IRF2BP2: variants seen among roughly 807,000 people sequenced by gnomAD.
IRF2BP2 encodes the protein interferon regulatory factor 2 binding protein 2.
Under a neutral mutation model 32.7 loss-of-function variants are expected in IRF2BP2, and 13 were observed. That is an observed-to-expected ratio of 0.40 (90% CI 0.26 to 0.63). The LOEUF is 0.63. Among genes scored for constraint, IRF2BP2 ranks in the 30% least tolerant of loss-of-function variants. The pLI, the probability that IRF2BP2 is intolerant of heterozygous loss-of-function variation, is 0.42. For synonymous variants in IRF2BP2, 555 were observed against 384.6 expected (o/e 1.44, Z -5.18); for missense variants, 980 against 830.6 (o/e 1.18, Z -2.21).
Position 234,605,141 on chromosome 1 carries a change from T to TC in IRF2BP2, c.*1995dup, listed in dbSNP as rs1391151097. On this transcript the variant is annotated 3_prime_UTR_variant, in exon 2 of 2. Transcript: ENST00000366609. Reference sequence around the variant, plus strand: ...ACCACAAATTAGGTCAAACGACTGATCAAGTTGTAACATCTGTGAGGTCAA... The same window carrying TC: ...ACCACAAATTAGGTCAAACGACTGATCCAAGTTGTAACATCTGTGAGGTCAA... 2.4e-4 allele frequency: 35 copies of TC among 143,386 alleles called. No homozygotes were observed. Among genetic ancestry groups the TC allele is most frequent in the Admixed American group, 2.3e-3 (33 of 14,266 alleles). 8.9% of individuals were successfully genotyped at this position (143,386 alleles called of 1,614,324 possible). A position where few individuals can be genotyped will look rare whatever the true frequency, so the allele number is the denominator to read the frequency against.
chr1:234,606,877 G>A lies in IRF2BP2; in HGVS notation c.*260C>T, dbSNP rs1672174801. ...CGCAAGTCACAGCCTACATAGAACG[G>A]TAACTGTCACCAGGATAATAAAGCA... On this transcript the variant is annotated 3_prime_UTR_variant, in exon 2 of 2. Transcript: ENST00000366609. 6.5e-6 allele frequency: 2 copies of A among 310,004 alleles called. No individual in the cohort carries two copies. Among genetic ancestry groups the A allele is most frequent in the South Asian group, 6.3e-5 (1 of 15,754 alleles). The allele number at this position is 310,004 out of a possible 1,614,324, so 19.2% of individuals were successfully genotyped here. A position where few individuals can be genotyped will look rare whatever the true frequency, so the allele number is the denominator to read the frequency against.
rs1362135175 is a variant in IRF2BP2, at chr1:234,608,779, G to T, written c.716C>A (p.Ala239Glu). 1.4e-5 allele frequency: 20 copies of T among 1,446,372 alleles called. No individual in the cohort carries two copies. The highest frequency in any genetic ancestry group is 1.7e-5 in the Non-Finnish European group (19 of 1,108,240). 89.6% of individuals were successfully genotyped at this position (1,446,372 alleles called of 1,614,324 possible). Reference protein sequence around the residue: ...PTDLGAHKRPASVSSSAAVEH... With the variant: ...PTDLGAHKRPESVSSSAAVEH... Reference sequence around the variant, plus strand: ...CACGGCAGCGCTGCTCGACACGGATGCCGGCCGCTTGTGGGCGCCCAGATC... The same window carrying T: ...CACGGCAGCGCTGCTCGACACGGATTCCGGCCGCTTGTGGGCGCCCAGATC... The change falls in exon 1 of 2, where the codon GCA becomes GAA. Residue 239 changes from alanine to glutamate, a missense_variant. Physicochemically the swap from Ala to Glu is moderately radical, Grantham distance 107 (BLOSUM62 -1). Coordinates refer to ENST00000366609, the MANE Select transcript of IRF2BP2 (RefSeq NM_182972.3).
In IRF2BP2 at chr1:234,606,954, A is replaced by C. The variant is rs1269161903; in HGVS notation, c.*183T>G. On this transcript the variant is annotated 3_prime_UTR_variant, in exon 2 of 2. Coordinates refer to ENST00000366609, the MANE Select transcript of IRF2BP2 (RefSeq NM_182972.3). ...AAGAAAAAAATGTCTTTATAAGTACATACCTTTTGTCGTCAAAAAAAATAT... is the reference window on the plus strand; with the variant it reads ...AAGAAAAAAATGTCTTTATAAGTACCTACCTTTTGTCGTCAAAAAAAATAT... 2 of 539,872 alleles carry C rather than the reference A, an allele frequency of 3.7e-6. No homozygotes were observed. Among genetic ancestry groups the C allele is most frequent in the Non-Finnish European group, 3.2e-6 (1 of 308,530 alleles). 33.4% of individuals were successfully genotyped at this position (539,872 alleles called of 1,614,324 possible). A position where few individuals can be genotyped will look rare whatever the true frequency, so the allele number is the denominator to read the frequency against.
chr1:234,609,509 CGACGCCGGAGGA>C lies in IRF2BP2; in HGVS notation c.-27_-16del. 6.9e-7 allele frequency: 1 copy of C among 1,449,468 alleles called. No homozygotes were observed. The highest frequency in any genetic ancestry group is 1.3e-5 in the South Asian group (1 of 75,516). 89.8% of individuals were successfully genotyped at this position (1,449,468 alleles called of 1,614,324 possible). ...GCCGCGGCCATGTCCGAGGAGCCCGCGACGCCGGAGGAGGAGGCGGAGGAGGAGGAGGGGGCG... is the reference window on the plus strand; with the variant it reads ...GCCGCGGCCATGTCCGAGGAGCCCGCGGAGGCGGAGGAGGAGGAGGGGGCG... On this transcript the variant is annotated 5_prime_UTR_variant, in exon 1 of 2. Coordinates refer to ENST00000366609, the MANE Select transcript of IRF2BP2 (RefSeq NM_182972.3).
In IRF2BP2 at chr1:234,609,056, T is replaced by G. The variant is rs1672264477; in HGVS notation, c.439A>C (p.Thr147Pro). 3.1e-6 allele frequency: 4 copies of G among 1,284,518 alleles called. No individual in the cohort carries two copies. Among genetic ancestry groups the G allele is most frequent in the Non-Finnish European group, 2.9e-6 (3 of 1,018,260 alleles). The allele number at this position is 1,284,518 out of a possible 1,614,324, so 79.6% of individuals were successfully genotyped here. A position where few individuals can be genotyped will look rare whatever the true frequency, so the allele number is the denominator to read the frequency against. The change falls in exon 1 of 2, where the codon ACG becomes CCG. Residue 147 changes from threonine (T) to proline (P), a missense_variant. Coordinates refer to ENST00000366609, the MANE Select transcript of IRF2BP2 (RefSeq NM_182972.3). ...CCGTTCACGGGCGGCGGCTGCGGCG[T>G]CGGCGGCTGGGCCAGGCTCGCTGCC... Reference protein sequence around the residue: ...RPAASLAQPPTPQPPPVNGIL... With the variant: ...RPAASLAQPPPPQPPPVNGIL...
Position 234,609,026 on chromosome 1 carries a change from G to C in IRF2BP2, c.469C>G (p.Leu157Val). 2.3e-6 allele frequency: 3 copies of C among 1,321,998 alleles called. No individual in the cohort carries two copies. The highest frequency in any genetic ancestry group is 2.9e-6 in the Non-Finnish European group (3 of 1,038,814). The allele number at this position is 1,321,998 out of a possible 1,614,324, so 81.9% of individuals were successfully genotyped here. A position where few individuals can be genotyped will look rare whatever the true frequency, so the allele number is the denominator to read the frequency against. ...AGCTTGGAGAAGCCGTTGGGCACCA[G>C]GATGCCGTTCACGGGCGGCGGCTGC... ...TPQPPPVNGI[L>V]VPNGFSKLEE... The change falls in exon 1 of 2, where the codon CTG becomes GTG. Residue 157 changes from leucine (L) to valine (V), a missense_variant. By Grantham distance (32) the Leu-to-Val change is conservative. Coordinates refer to ENST00000366609, the MANE Select transcript of IRF2BP2 (RefSeq NM_182972.3).
Position 234,606,115 on chromosome 1 carries a change from T to C in IRF2BP2, c.*1022A>G, listed in dbSNP as rs1672153058. 1 of 152,272 alleles carries C rather than the reference T, an allele frequency of 6.6e-6. No individual in the cohort carries two copies. The highest frequency in any genetic ancestry group is 2.1e-4 in the South Asian group (1 of 4,826). 9.4% of individuals were successfully genotyped at this position (152,272 alleles called of 1,614,324 possible). A position where few individuals can be genotyped will look rare whatever the true frequency, so the allele number is the denominator to read the frequency against. ...CTCACTAGAAACAGGGTATAGGTGA[T>C]AGTATCAACAGCAATAGCACTACAG... is the stretch of plus-strand genomic sequence containing the variant. On this transcript the variant is annotated 3_prime_UTR_variant, in exon 2 of 2. Transcript: ENST00000366609.
rs766814498 is a variant in IRF2BP2, at chr1:234,607,407, C to G, written c.1494G>C (p.Leu498=). 1.8e-5 allele frequency: 29 copies of G among 1,614,006 alleles called. No homozygotes were observed. The highest frequency in any genetic ancestry group is 2.2e-5 in the Non-Finnish European group (26 of 1,179,978). The stretch of plus-strand genomic sequence containing the variant: ...TGCAGCACAGCGGGGCACTGGTTGC[C>G]AGAGAGGAGTCCGGGAGGCTGGCAG... The part of the protein sequence containing the change: ...VHPASLPDSS[L]ATSAPLCCTL... The change falls in exon 2 of 2, where the codon CTG becomes CTC. Residue 498 remains leucine (L), a synonymous_variant. Transcript: ENST00000366609.
In IRF2BP2 at chr1:234,607,302, G is replaced by A. The variant is rs758828277; in HGVS notation, c.1599C>T (p.Cys533=). 10 of 1,614,136 alleles carry A rather than the reference G, an allele frequency of 6.2e-6. No individual in the cohort carries two copies. Among genetic ancestry groups the A allele is most frequent in the African/African-American group, 1.3e-5 (1 of 74,956 alleles). ...CCTGCTGTTTGATGCTTTGTCTGGA[G>A]CAAGGGAAGCAGAACTTGTGCGAAG... ...SVPSHKFCFP[C]SRQSIKQQGA... Residue 533 remains cysteine, a synonymous_variant, in exon 2 of 2, where the codon TGC becomes TGT. Coordinates refer to ENST00000366609, the MANE Select transcript of IRF2BP2 (RefSeq NM_182972.3).
chr1:234,607,560 A>C lies in IRF2BP2; in HGVS notation c.1341T>G (p.Val447=), dbSNP rs1189826009. 4.3e-6 allele frequency: 7 copies of C among 1,614,076 alleles called. No individual in the cohort carries two copies. The highest frequency in any genetic ancestry group is 5.9e-6 in the Non-Finnish European group (7 of 1,180,038). The stretch of plus-strand genomic sequence containing the variant: ...TGCTATTCCTCCTGGTAGTGGAGTG[A>C]ACCTGGTTGGCATCTTTTGAGGCAT... ...GSHASKDANQ[V]HSTTRRNSNS... is the part of the protein sequence containing the mutation. The change falls in exon 2 of 2, where the codon GTT becomes GTG. Residue 447 remains valine (V), a synonymous_variant. Transcript: ENST00000366609.
At position 234,608,781 on chromosome 1, in the gene IRF2BP2, C is replaced by A. The variant is rs1258906058; in HGVS notation, c.714G>T (p.Pro238=). The A allele has an allele frequency of 6.9e-7, 1 of 1,443,850 alleles. No individual in the cohort carries two copies. The highest frequency in any genetic ancestry group is 9.0e-7 in the Non-Finnish European group (1 of 1,106,746). 89.4% of individuals were successfully genotyped at this position (1,443,850 alleles called of 1,614,324 possible). A position where few individuals can be genotyped will look rare whatever the true frequency, so the allele number is the denominator to read the frequency against. The change falls in exon 1 of 2, where the codon CCG becomes CCT. Residue 238 remains proline (P), a synonymous_variant. Transcript: ENST00000366609. The part of the protein sequence containing the change: ...QPTDLGAHKR[P]ASVSSSAAVE... ...CGGCAGCGCTGCTCGACACGGATGCCGGCCGCTTGTGGGCGCCCAGATCGG... is the reference window on the plus strand; with the variant it reads ...CGGCAGCGCTGCTCGACACGGATGCAGGCCGCTTGTGGGCGCCCAGATCGG...
In IRF2BP2 at chr1:234,609,578, CCCT is replaced by C. The variant is rs982284502; in HGVS notation, c.-87_-85del. The C allele has an allele frequency of 1.3e-6, 1 of 754,692 alleles. No homozygotes were observed. Among genetic ancestry groups the C allele is most frequent in the African/African-American group, 1.9e-5 (1 of 53,212 alleles). The allele number at this position is 754,692 out of a possible 1,614,324, so 46.7% of individuals were successfully genotyped here. Reference sequence around the variant, plus strand: ...CCGCCCCCCACCGGCACCACGCGCGCCCTCCTCCCCCCCCAACCCCGCGTCTCC... The same window carrying C: ...CCGCCCCCCACCGGCACCACGCGCGCCCTCCCCCCCCAACCCCGCGTCTCC... On this transcript the variant is annotated 5_prime_UTR_variant, in exon 1 of 2. Coordinates refer to ENST00000366609, the MANE Select transcript of IRF2BP2 (RefSeq NM_182972.3).
Position 234,607,954 on chromosome 1 carries a change from C to T in IRF2BP2, c.1049-102G>A, listed in dbSNP as rs12044029. ...CCGAAACAAAAGTCGTTACAGAATT[C>T]CTCCTCTCTAAAAGCACAGACAGAA... On this transcript the variant is annotated intron_variant, in intron 1 of 1. Transcript: ENST00000366609. The T allele has an allele frequency of 8.7e-4, 798 of 916,710 alleles. 11 individuals carry two copies. In the East Asian group the frequency reaches 0.019, roughly 22 times the overall value. The allele number at this position is 916,710 out of a possible 1,614,324, so 56.8% of individuals were successfully genotyped here. A position where few individuals can be genotyped will look rare whatever the true frequency, so the allele number is the denominator to read the frequency against.
At position 234,607,770 on chromosome 1, in the gene IRF2BP2, C is replaced by T; in HGVS notation, c.1131G>A (p.Gln377=). The T allele has an allele frequency of 6.2e-7, 1 of 1,613,898 alleles. No homozygotes were observed. The change falls in exon 2 of 2, where the codon CAG becomes CAA. Residue 377 remains glutamine (Q), a synonymous_variant. Transcript: ENST00000366609. ...VGPPKINGEA[Q]PWLSTSTEGL... ...CCTCTGTGGATGTGGACAGCCACGG[C>T]TGGGCCTCTCCGTTGATCTTAGGGG...
At position 234,608,941 on chromosome 1, in the gene IRF2BP2, G is replaced by A. The variant is rs772724260; in HGVS notation, c.554C>T (p.Pro185Leu). 3 of 1,361,932 alleles carry A rather than the reference G, an allele frequency of 2.2e-6. No individual in the cohort carries two copies. The highest frequency in any genetic ancestry group is 2.0e-5 in the South Asian group (1 of 49,546). 84.4% of individuals were successfully genotyped at this position (1,361,932 alleles called of 1,614,324 possible). A position where few individuals can be genotyped will look rare whatever the true frequency, so the allele number is the denominator to read the frequency against. The change falls in exon 1 of 2, where the codon CCG becomes CTG. Residue 185 changes from proline to leucine, a missense_variant. Transcript: ENST00000366609. ...SPNPRRGHAVPPTLVPLMNGS... is the reference protein window; with the variant it reads ...SPNPRRGHAVLPTLVPLMNGS... The stretch of plus-strand genomic sequence containing the variant: ...GTTCATGAGCGGCACCAGGGTGGGC[G>A]GCACCGCGTGGCCGCGCCGCGGGTT...
intron 1 of IRF2BP2, chr1:234,608,170 A>T (rs1672219325): frequency 1.9e-6 from 1 of 527,136 alleles, no homozygotes; most frequent in Non-Finnish European, 3.3e-6. Flanking sequence ...CAATAGGTTA[A>T]AAGGTGACTG....
chr1:234,609,546 G>T lies in IRF2BP2; in HGVS notation c.-52C>A. 1 of 1,124,818 alleles carries T rather than the reference G, an allele frequency of 8.9e-7. No homozygotes were observed. The highest frequency in any genetic ancestry group is 1.2e-6 in the Non-Finnish European group (1 of 855,086). 69.7% of individuals were successfully genotyped at this position (1,124,818 alleles called of 1,614,324 possible). The stretch of plus-strand genomic sequence containing the variant: ...AGGAGGCGGAGGAGGAGGAGGGGGC[G>T]CCGCCGCCGCCCCCCACCGGCACCA... On this transcript the variant is annotated 5_prime_UTR_variant, in exon 1 of 2. Coordinates refer to ENST00000366609, the MANE Select transcript of IRF2BP2 (RefSeq NM_182972.3).
In IRF2BP2 at chr1:234,607,803, T is replaced by G. The variant is rs1672206681; in HGVS notation, c.1098A>C (p.Glu366Asp). 6.2e-7 allele frequency: 1 copy of G among 1,609,502 alleles called. No homozygotes were observed. Among genetic ancestry groups the G allele is most frequent in the Admixed American group, 1.7e-5 (1 of 59,602 alleles). ...CTCCGTTGATCTTAGGGGGCCCGACTTCACCTTCTGGTTCTGGAGAGGGCT... is the reference window on the plus strand; with the variant it reads ...CTCCGTTGATCTTAGGGGGCCCGACGTCACCTTCTGGTTCTGGAGAGGGCT... ...KRKPSPEPEG[E>D]VGPPKINGEA... Residue 366 changes from glutamate to aspartate, a missense_variant, in exon 2 of 2, where the codon GAA (glutamate) becomes GAC (aspartate). Transcript: ENST00000366609.
Position 234,606,111 on chromosome 1 carries a change from G to A in IRF2BP2, c.*1026C>T, listed in dbSNP as rs1301284773. 6.6e-6 allele frequency: 1 copy of A among 152,226 alleles called. No individual in the cohort carries two copies. Among genetic ancestry groups the A allele is most frequent in the African/African-American group, 2.4e-5 (1 of 41,438 alleles). The allele number at this position is 152,226 out of a possible 1,614,324, so 9.4% of individuals were successfully genotyped here. A position where few individuals can be genotyped will look rare whatever the true frequency, so the allele number is the denominator to read the frequency against. On this transcript the variant is annotated 3_prime_UTR_variant, in exon 2 of 2. Transcript: ENST00000366609. The stretch of plus-strand genomic sequence containing the variant: ...AGCACTCACTAGAAACAGGGTATAG[G>A]TGATAGTATCAACAGCAATAGCACT...
Sources: allele counts gnomAD v4.1 joint callset, GRCh38; gene constraint gnomAD v4.1.1; transcripts MANE v1.5; gene names NCBI Gene and HGNC (gene_info 2026-07-23, HGNC 2026-07-21).